Variants in ARHGAP8 observed in about 807,000 individuals in gnomAD.
The protein encoded by ARHGAP8 is Rho GTPase activating protein 8.
ARHGAP8 carries 62 observed loss-of-function variants against 46.1 expected under a neutral mutation model. That is an observed-to-expected ratio of 1.34 (90% confidence interval 1.10 to 1.66). The LOEUF is 1.66. ARHGAP8 is among the 40% of genes most tolerant of loss of function. The pLI, the probability that ARHGAP8 is intolerant of heterozygous loss-of-function variation, is 0.00. For missense variants in ARHGAP8, 923 were observed against 568.4 expected (o/e 1.62, Z -6.34); for synonymous variants, 375 against 243.1 (o/e 1.54, Z -5.05).
chr22:44,816,134 C>G (rs1389608893), intron 5 of ARHGAP8, among the ~76,000 whole-genome samples: 3 of 147,728 alleles, frequency 2.0e-5, no homozygotes, highest in East Asian at 4.2e-4. Context: ...CCATCTCCCC[C>G]CTCGGCTCCT....
At chr22:44,794,911 C>G (rs879368697) in intron 2 of ARHGAP8, among the ~76,000 whole-genome samples, 1 of 151,314 alleles carries the variant, frequency 6.6e-6, no homozygotes, top group Non-Finnish European at 1.5e-5. Context: ...TGCTTTAGCT[C>G]GAGCCTGTAA....
chr22:44,847,913 A>G (rs1478544699), intron 8 of ARHGAP8, 60 bp from the exon 9 acceptor site: 1 of 1,596,244 alleles, frequency 6.3e-7, no homozygotes, highest in East Asian at 2.2e-5. Context: ...GTGTCATATA[A>G]TGTCCTGGAA....
At chr22:44,778,065 A>G (rs1271788778) in intron 1 of ARHGAP8, among the ~76,000 whole-genome samples, 4 of 151,590 alleles carry the variant, frequency 2.6e-5, no homozygotes. Flanking sequence ...ATTGGGGAAC[A>G]GGTGGTGTGG....
chr22:44,768,596 C>T (rs556382836), intron 1 of ARHGAP8, among the ~76,000 whole-genome samples: 5 of 152,170 alleles, frequency 3.3e-5, no homozygotes, highest in African/African-American at 7.2e-5. Context: ...CATGAGCCAC[C>T]GCACCTGTTC....
At chr22:44,773,205 G>C (rs959680942) in intron 1 of ARHGAP8, among the ~76,000 whole-genome samples, 1 of 152,124 alleles carries the variant, frequency 6.6e-6, no homozygotes, top group Admixed American at 6.6e-5. Flanking sequence ...TTGGTAGCTT[G>C]TGTCTTTCAG....
intron 10 of ARHGAP8, among the ~76,000 whole-genome samples, chr22:44,852,321 T>C (rs2070116865): frequency 6.6e-6 from 1 of 152,002 alleles, no homozygotes; most frequent in South Asian, 2.1e-4. Flanking sequence ...TTCAATTCCT[T>C]TTGTCATTCC....
intron 3 of ARHGAP8, among the ~76,000 whole-genome samples, chr22:44,806,376 C>T (rs568684200): frequency 9.9e-5 from 15 of 152,234 alleles, no homozygotes; most frequent in East Asian, 1.9e-4. Context: ...GTCAGATGTG[C>T]GTGATTTCTC....
intron 3 of ARHGAP8, among the ~76,000 whole-genome samples, chr22:44,807,812 G>A (rs1929038841): frequency 6.6e-6 from 1 of 152,148 alleles, no homozygotes; most frequent in Non-Finnish European, 1.5e-5. Flanking sequence ...GGCCTTCCAG[G>A]GCTGGTGGCC....
At position 44,848,005 on chromosome 22, in the gene ARHGAP8, G is replaced by A. The variant is rs754393672; in HGVS notation, c.703G>A (p.Ala235Thr). 3.1e-5 allele frequency: 50 copies of A among 1,607,982 alleles called. No individual in the cohort carries two copies. Among genetic ancestry groups the A allele is most frequent in the Non-Finnish European group, 3.9e-5 (46 of 1,179,928 alleles). The change falls in exon 9 of 12, where the codon GCC becomes ACC. Residue 235 changes from alanine (A) to threonine (T), a missense_variant. Transcript: ENST00000356099. Reference protein sequence around the residue: ...LRTEGLFRRSASVQTVREIQR... With the variant: ...LRTEGLFRRSTSVQTVREIQR... ...CACCGAGGGCCTGTTCCGGAGATCCGCCAGCGTGCAGACCGTCCGCGAGAT... is the reference window on the plus strand; with the variant it reads ...CACCGAGGGCCTGTTCCGGAGATCCACCAGCGTGCAGACCGTCCGCGAGAT...
chr22:44,859,696 T>C, intron 10 of ARHGAP8, 35 bp from the exon 11 acceptor site: 1 of 1,607,414 alleles, frequency 6.2e-7, no homozygotes, highest in Non-Finnish European at 8.5e-7. Flanking sequence ...CCCTGGCCCC[T>C]CTGGAGCTCA....
chr22:44,825,721 A>G, intron 7 of ARHGAP8, 128 bp downstream of exon 7: 1 of 1,172,680 alleles, frequency 8.5e-7, no homozygotes. Flanking sequence ...TGCAGGAAAG[A>G]TAAAGCCTGA....
chr22:44,755,009 G>A (rs1924556217), intron 1 of ARHGAP8, among the ~76,000 whole-genome samples: 1 of 152,168 alleles, frequency 6.6e-6, no homozygotes, highest in Admixed American at 6.6e-5. Flanking sequence ...CTCCTCATCT[G>A]CAAAAGGAGC....
At chr22:44,752,788 C>G (rs1386639390) in intron 1 of ARHGAP8, 161 bp downstream of exon 1, 1 of 151,676 alleles carries the variant, frequency 6.6e-6, no homozygotes, top group African/African-American at 2.4e-5. Context: ...CGGGGGGAGA[C>G]CCTCCGGCCG....
At chr22:44,836,983 C>A (rs772768843) in intron 7 of ARHGAP8, among the ~76,000 whole-genome samples, 41 of 152,206 alleles carry the variant, frequency 2.7e-4, no homozygotes, top group Non-Finnish European at 5.4e-4. Context: ...CTCCCTGTTT[C>A]AAGCAATTCT....
chr22:44,848,839 G>A (rs924581917), intron 9 of ARHGAP8, 93 bp from the exon 10 acceptor site: 102 of 1,574,504 alleles, frequency 6.5e-5, no homozygotes, highest in Non-Finnish European at 7.9e-5. Flanking sequence ...CGTCCCATCC[G>A]GACATCTCAC....
In ARHGAP8 at chr22:44,814,741, C is replaced by CT. The variant is rs756646901; in HGVS notation, c.371dup (p.Leu124PhefsTer21). On this transcript the variant is annotated frameshift_variant, in exon 5 of 12. Coordinates refer to ENST00000356099, the MANE Select transcript of ARHGAP8 (RefSeq NM_181335.3). LOFTEE classifies it high-confidence loss of function. ...GCTTCATCAAGGTCCTGTGGAACAT[C>CT]TTGAAGCCCCTCATCAGGTATGCGT... 1.9e-5 allele frequency: 31 copies of CT among 1,613,904 alleles called. No individual in the cohort carries two copies. The highest frequency in any genetic ancestry group is 1.6e-4 in the South Asian group (15 of 91,076).
intron 10 of ARHGAP8, among the ~76,000 whole-genome samples, chr22:44,854,986 C>G (rs117139322): frequency 6.6e-6 from 1 of 152,182 alleles, no homozygotes; most frequent in East Asian, 1.9e-4. Flanking sequence ...TCAGACTAAT[C>G]TTGTCAGAGT....
At chr22:44,782,567 C>G (rs13053973) in intron 1 of ARHGAP8, among the ~76,000 whole-genome samples, 1 of 151,784 alleles carries the variant, frequency 6.6e-6, no homozygotes, top group African/African-American at 2.4e-5. Flanking sequence ...CTATTCGGGA[C>G]GCTTCATGTA....
At chr22:44,859,999 A>G (rs572680179) in intron 11 of ARHGAP8, among the ~76,000 whole-genome samples, 165 bp downstream of exon 11, 1 of 139,576 alleles carries the variant, frequency 7.2e-6, no homozygotes, top group African/African-American at 2.6e-5. Flanking sequence ...AGGCCTGGTC[A>G]GGCACCCATG....
Sources: gnomAD v4.1 joint callset for allele counts (sites outside exome capture counted in the v4.1 genomes callset) on GRCh38, gnomAD v4.1.1 for gene constraint, MANE v1.5 for transcripts, NCBI Gene and HGNC (gene_info 2026-07-23, HGNC 2026-07-21) for gene names.